The following CDIN1 variants were observed in gnomAD, a reference collection of about 807,000 sequenced individuals.
The protein encoded by CDIN1 is CDAN1-interacting nuclease 1.
Under a neutral mutation model 45.3 loss-of-function variants are expected in CDIN1, and 33 were observed. The ratio of observed to expected loss-of-function variants is 0.73; its 90% CI spans 0.55 to 0.97. CDIN1 has a LOEUF of 0.97. Ranked by LOEUF, CDIN1 falls within the 50% of genes least tolerant of loss-of-function variation. The pLI is 0.00. For missense variants in CDIN1, 303 were observed against 339.4 expected, an observed-to-expected ratio of 0.89 and a Z score of 0.84; for synonymous variants, 118 against 124.4, an observed-to-expected ratio of 0.95 and a Z score of 0.34.
chr15:36,768,517 C>T (rs187086993), intron 10 of CDIN1, among the ~76,000 whole-genome samples: 68 of 147,700 alleles, frequency 4.6e-4, no homozygotes, highest in African/African-American at 1.6e-3. Flanking sequence ...CCTTCAACTT[C>T]TCGCCTCTGG....
intron 4 of CDIN1, among the ~76,000 whole-genome samples, chr15:36,656,255 T>C (rs576800676): frequency 6.6e-5 from 10 of 152,306 alleles, no homozygotes; most frequent in African/African-American, 2.4e-4. Flanking sequence ...TGATATTTAT[T>C]TAATCAGGGG....
chr15:36,695,639 G>T (rs74720362), intron 7 of CDIN1, among the ~76,000 whole-genome samples: 1 of 152,238 alleles, frequency 6.6e-6, no homozygotes, highest in Middle Eastern at 3.4e-3. Context: ...TTGAAGTTAG[G>T]AGTTTGAGAC....
At chr15:36,703,267 TCTG>T (rs2042716688) in intron 8 of CDIN1, among the ~76,000 whole-genome samples, 1 of 107,882 alleles carries the variant, frequency 9.3e-6, no homozygotes, top group Non-Finnish European at 1.9e-5. Flanking sequence ...GATATATATA[TCTG>T]ATAGATCTAT....
At chr15:36,673,879 A>C (rs1399111615) in intron 5 of CDIN1, among the ~76,000 whole-genome samples, 2 of 152,140 alleles carry the variant, frequency 1.3e-5, no homozygotes, top group Non-Finnish European at 2.9e-5. Flanking sequence ...GAATTCAGAA[A>C]CACACACTGT....
chr15:36,610,550 G>T (rs2038599743), intron 1 of CDIN1, among the ~76,000 whole-genome samples: 1 of 152,080 alleles, frequency 6.6e-6, no homozygotes, highest in Non-Finnish European at 1.5e-5. Flanking sequence ...CTTTTATTTG[G>T]ATGGGTTTGT....
intron 1 of CDIN1, among the ~76,000 whole-genome samples, chr15:36,632,493 C>G (rs1595393508): frequency 6.6e-6 from 1 of 152,320 alleles, no homozygotes; most frequent in East Asian, 1.9e-4. Flanking sequence ...ACCAGTACTT[C>G]TGAGGGCTGC....
At chr15:36,698,410 C>T (rs1355343755) in intron 8 of CDIN1, among the ~76,000 whole-genome samples, 3 of 152,128 alleles carry the variant, frequency 2.0e-5, no homozygotes, top group African/African-American at 7.2e-5. Flanking sequence ...CAAGTGTTCT[C>T]AAGTCACTAA....
At chr15:36,802,362 T>G in intron 10 of CDIN1, among the ~76,000 whole-genome samples, 1 of 152,206 alleles carries the variant, frequency 6.6e-6, no homozygotes, top group South Asian at 2.1e-4. Flanking sequence ...TTTATAGACA[T>G]AATGATTGGT....
At chr15:36,725,735 T>C (rs2043599801) in intron 10 of CDIN1, among the ~76,000 whole-genome samples, 1 of 152,200 alleles carries the variant, frequency 6.6e-6, no homozygotes, top group African/African-American at 2.4e-5. Context: ...AAGTGGGGCT[T>C]TGACTGGTTA....
intron 10 of CDIN1, among the ~76,000 whole-genome samples, chr15:36,763,141 C>T (rs112223965): frequency 0.019 from 2,939 of 152,300 alleles, 40 homozygotes; most frequent in Non-Finnish European, 0.028. Flanking sequence ...TCTCCACATC[C>T]TCTCCAGCAC....
At chr15:36,681,021 A>G (rs1265429476) in intron 5 of CDIN1, among the ~76,000 whole-genome samples, 2 of 152,166 alleles carry the variant, frequency 1.3e-5, no homozygotes, top group Non-Finnish European at 2.9e-5. Context: ...ACCAATTACC[A>G]TGGAGAAGTG....
At chr15:36,801,886 G>A (rs1433486112) in intron 10 of CDIN1, among the ~76,000 whole-genome samples, 1 of 152,154 alleles carries the variant, frequency 6.6e-6, no homozygotes, top group Non-Finnish European at 1.5e-5. Flanking sequence ...GAAATAAGTA[G>A]CCAGATAAAC....
intron 1 of CDIN1, chr15:36,619,056 T>A: frequency 7.9e-7 from 1 of 1,271,940 alleles, no homozygotes; most frequent in Non-Finnish European, 1.1e-6. Flanking sequence ...ACAAAGACAA[T>A]GAAGCTCCTT....
At chr15:36,663,809 G>A (rs962520821) in intron 5 of CDIN1, among the ~76,000 whole-genome samples, 3 of 152,224 alleles carry the variant, frequency 2.0e-5, no homozygotes, top group East Asian at 3.9e-4. Context: ...AATAGATTTG[G>A]TATTAGTTAT....
chr15:36,690,998 T>C (rs985581752), intron 5 of CDIN1, among the ~76,000 whole-genome samples: 3 of 152,062 alleles, frequency 2.0e-5, no homozygotes, highest in Admixed American at 6.5e-5. Context: ...GCAGTTCCCT[T>C]GGGGTTCAAC....
intron 10 of CDIN1, among the ~76,000 whole-genome samples, chr15:36,743,762 G>A (rs760116020): frequency 7.9e-5 from 12 of 151,878 alleles, no homozygotes; most frequent in Non-Finnish European, 1.5e-4. Flanking sequence ...GGTGATATGC[G>A]CATGTGGTCC....
intron 10 of CDIN1, among the ~76,000 whole-genome samples, chr15:36,724,022 A>G (rs142938509): frequency 2.0e-3 from 310 of 152,336 alleles, no homozygotes; most frequent in African/African-American, 6.2e-3. Flanking sequence ...TAATCCACAT[A>G]ACAGTCCTAT....
At chr15:36,787,019 C>T (rs764080303) in intron 10 of CDIN1, among the ~76,000 whole-genome samples, 1 of 152,188 alleles carries the variant, frequency 6.6e-6, no homozygotes, top group Non-Finnish European at 1.5e-5. Context: ...TCCTCACACC[C>T]CTGGTCTCCT....
chr15:36,743,266 T>C (rs961781674), intron 10 of CDIN1, among the ~76,000 whole-genome samples: 2 of 152,114 alleles, frequency 1.3e-5, no homozygotes, highest in Non-Finnish European at 2.9e-5. Flanking sequence ...ATATGGGGAA[T>C]AGATTGGAAA....
Sources: gnomAD v4.1 joint callset for allele counts (sites outside exome capture counted in the v4.1 genomes callset) on GRCh38, gnomAD v4.1.1 for gene constraint, MANE v1.5 for transcripts, NCBI Gene and HGNC (gene_info 2026-07-23, HGNC 2026-07-21) for gene names.